Variants in TNS3 observed in about 807,000 individuals in gnomAD.
TNS3 encodes tensin-3.
In TNS3, 45 loss-of-function variants were observed where a neutral mutation model predicts 140.9. The observed-to-expected ratio is 0.32, with a 90% CI of 0.25 to 0.41. The LOEUF is 0.41. Ranked by LOEUF, TNS3 falls within the 10% of genes least tolerant of loss-of-function variation. TNS3 has a pLI of 1.00. For missense variants in TNS3, 1,716 were observed against 1,906.7 expected (o/e 0.90, Z 1.86); for synonymous variants, 815 against 788.4 (o/e 1.03, Z -0.56).
intron 4 of TNS3, among the ~76,000 whole-genome samples, chr7:47,446,313 T>C (rs1795726630): frequency 6.6e-6 from 1 of 152,106 alleles, no homozygotes; most frequent in Admixed American, 6.5e-5. Context: ...AAGGTTCCAC[T>C]CTCTAGGTGT....
chr7:47,385,082 G>C (rs1244066170), intron 16 of TNS3, among the ~76,000 whole-genome samples: 1 of 152,168 alleles, frequency 6.6e-6, no homozygotes, highest in Non-Finnish European at 1.5e-5. Flanking sequence ...TGACGCCACA[G>C]CCAGTGAACT....
At chr7:47,305,943 G>A (rs1364401075) in intron 20 of TNS3, among the ~76,000 whole-genome samples, 4 of 152,056 alleles carry the variant, frequency 2.6e-5, no homozygotes, top group Non-Finnish European at 5.9e-5. Flanking sequence ...TTCATTTCCT[G>A]GAGAGGGTAT....
rs1039379735 is a variant in TNS3 at position 47,358,487 on chromosome 7, C to T, written c.2281+9878G>A. Among the ~76,000 whole-genome samples the T allele has an allele frequency of 5.3e-5, 8 of 152,166 alleles. No homozygotes were observed. The East Asian group carries it at 5.8e-4, about 11-fold the overall frequency. On this transcript the variant is annotated intron_variant, in intron 17 of 30. Coordinates refer to ENST00000311160, the MANE Select transcript of TNS3 (RefSeq NM_022748.12). Reference sequence around the variant, plus strand: ...GCGTTTATTATCCCATGCCTCAGTACGGATACAAAAGCTGTCCACCTTCAG... The same window carrying T: ...GCGTTTATTATCCCATGCCTCAGTATGGATACAAAAGCTGTCCACCTTCAG...
In TNS3 at chr7:47,303,318, C is replaced by T; in HGVS notation, c.3089G>A (p.Gly1030Asp). The T allele has an allele frequency of 6.2e-7, 1 of 1,613,390 alleles. No homozygotes were observed. The highest frequency in any genetic ancestry group is 1.3e-5 in the African/African-American group (1 of 75,056). ...LGFGTAPVGSGLPPEEDLGAL... is the reference protein window; with the variant it reads ...LGFGTAPVGSDLPPEEDLGAL... ...CCCCAGGTCCTCCTCGGGCGGAAGG[C>T]CACTTCCCACTGGGGCGGTGCCGAA... The change falls in exon 22 of 31, where the codon GGC becomes GAC. Residue 1030 changes from glycine to aspartate, a missense_variant. Transcript: ENST00000311160.
At chr7:47,346,488 A>AGCACTTC in intron 17 of TNS3, 132 bp from the exon 18 acceptor site, 1 of 1,133,242 alleles carries the variant, frequency 8.8e-7, no homozygotes, top group African/African-American at 1.6e-5. Flanking sequence ...CTCTGGGAAG[A>AGCACTTC]TGCTGTGGTT....
chr7:47,314,504 T>C (rs1249322962), intron 20 of TNS3, among the ~76,000 whole-genome samples: 4 of 152,172 alleles, frequency 2.6e-5, no homozygotes, highest in African/African-American at 9.7e-5. Context: ...ACCAGTCAAG[T>C]GAGGATGATC....
upstream of TNS3, chr7:47,582,558 G>A (rs180896476): frequency 1.4e-4 from 61 of 451,016 alleles, no homozygotes; most frequent in African/African-American, 1.2e-3. Flanking sequence ...TGGGAGTCGC[G>A]CATACATAAA....
chr7:47,341,029 G>C (rs1253843602), intron 20 of TNS3, among the ~76,000 whole-genome samples: 1 of 152,110 alleles, frequency 6.6e-6, no homozygotes, highest in Non-Finnish European at 1.5e-5. Flanking sequence ...TAGCCTGTTA[G>C]TATAGTGTAT....
chr7:47,417,381 C>T (rs1794139223), intron 10 of TNS3, among the ~76,000 whole-genome samples: 1 of 152,222 alleles, frequency 6.6e-6, no homozygotes, highest in Non-Finnish European at 1.5e-5. Context: ...ATGAGGAGGG[C>T]CAAGCTGACA....
chr7:47,394,593 TGA>T (rs1007013422), intron 16 of TNS3, among the ~76,000 whole-genome samples: 8 of 152,242 alleles, frequency 5.3e-5, no homozygotes, highest in Non-Finnish European at 1.2e-4. Flanking sequence ...CTGCGGTGGC[TGA>T]GAGTCTTTAA....
At chr7:47,552,243 C>T (rs1347212874) in intron 1 of TNS3, among the ~76,000 whole-genome samples, 3 of 152,080 alleles carry the variant, frequency 2.0e-5, no homozygotes, top group Non-Finnish European at 2.9e-5. Flanking sequence ...GCCAGGAAGC[C>T]GTCTAGAGCT....
chr7:47,444,204 G>A (rs767303394), intron 4 of TNS3, among the ~76,000 whole-genome samples: 1 of 152,126 alleles, frequency 6.6e-6, no homozygotes, highest in Admixed American at 6.5e-5. Flanking sequence ...GAGTTTGATC[G>A]ACCATGGTCC....
intron 1 of TNS3, among the ~76,000 whole-genome samples, chr7:47,554,147 A>G (rs1800133611): frequency 6.7e-6 from 1 of 149,046 alleles, no homozygotes; most frequent in African/African-American, 2.5e-5. Flanking sequence ...GGCCAGGTAC[A>G]GTGGCTCACA....
intron 20 of TNS3, among the ~76,000 whole-genome samples, chr7:47,331,619 C>T (rs1415162164): frequency 6.6e-6 from 1 of 152,218 alleles, no homozygotes. Flanking sequence ...GAAAAGTTTA[C>T]TTTCATTCCA....
chr7:47,378,752 G>A (rs901118562), intron 16 of TNS3, among the ~76,000 whole-genome samples: 2 of 152,214 alleles, frequency 1.3e-5, no homozygotes, highest in South Asian at 2.1e-4. Context: ...CATGGGGGGA[G>A]GGCTAAGGGT....
At position 47,346,202 on chromosome 7, in the gene TNS3, T is replaced by C; in HGVS notation, c.2436A>G (p.Pro812=). 2 of 1,614,166 alleles carry C rather than the reference T, an allele frequency of 1.2e-6. No individual in the cohort carries two copies. Among genetic ancestry groups the C allele is most frequent in the Non-Finnish European group, 1.7e-6 (2 of 1,180,002 alleles). Residue 812 remains proline (P), a synonymous_variant, in exon 18 of 31, where the codon CCA becomes CCG. Transcript: ENST00000311160. ...YAPNLPPFPS[P]ADVKETMTPG... ...TGGCACATACCTCTTTGACGTCCGC[T>C]GGTGAGGGGAATGGCGGCAGGTTTG...
intron 2 of TNS3, among the ~76,000 whole-genome samples, chr7:47,527,921 A>C (rs893536357): frequency 3.9e-5 from 6 of 152,062 alleles, no homozygotes; most frequent in African/African-American, 1.2e-4. Context: ...AAAAAAAAAA[A>C]AAGTTTTGAA....
At chr7:47,398,196 G>A (rs953639950) in intron 15 of TNS3, among the ~76,000 whole-genome samples, 2 of 152,106 alleles carry the variant, frequency 1.3e-5, no homozygotes, top group Admixed American at 6.5e-5. Context: ...AAGAGCCCAG[G>A]GCCAGATGGA....
At chr7:47,558,084 C>G (rs1800243193) in intron 1 of TNS3, among the ~76,000 whole-genome samples, 1 of 152,198 alleles carries the variant, frequency 6.6e-6, no homozygotes, top group Non-Finnish European at 1.5e-5. Context: ...CCAGGCTGGC[C>G]CTCCACTGTC....
Sources: gnomAD v4.1 joint callset for allele counts (sites outside exome capture counted in the v4.1 genomes callset) on GRCh38, gnomAD v4.1.1 for gene constraint, MANE v1.5 for transcripts, NCBI Gene and HGNC (gene_info 2026-07-23, HGNC 2026-07-21) for gene names.